Variants in FRMD3 observed in about 807,000 individuals in gnomAD.
FRMD3 encodes the protein FERM domain containing 3.
In FRMD3, 33 loss-of-function variants were observed where a neutral mutation model predicts 70.2. The ratio of observed to expected loss-of-function variants is 0.47; its 90% confidence interval spans 0.36 to 0.63. The LOEUF (loss-of-function observed/expected upper bound fraction) is 0.63, where lower values mean the gene tolerates loss of function less well. FRMD3 is among the 20% of genes least tolerant of loss of function. FRMD3 has a pLI of 0.00. For missense variants in FRMD3, 632 were observed against 711.4 expected (o/e 0.89, Z 1.27); for synonymous variants, 279 against 255.9 (o/e 1.09, Z -0.86).
intron 6 of FRMD3, among the ~76,000 whole-genome samples, chr9:83,324,287 A>C (rs2131099502): frequency 6.6e-6 from 1 of 152,324 alleles, no homozygotes; most frequent in East Asian, 1.9e-4. Flanking sequence ...AAGTAAATTT[A>C]TAAAAGCAAA....
the FRMD3 span, among the ~76,000 whole-genome samples, chr9:83,560,593 G>T: frequency 2.6e-5 from 4 of 152,200 alleles, no homozygotes; most frequent in Non-Finnish European, 5.9e-5. Flanking sequence ...TAAGTGGTTT[G>T]TTACACAGCA....
intron 1 of FRMD3, among the ~76,000 whole-genome samples, chr9:83,407,865 C>CTCTCA (rs1564062663): frequency 3.1e-5 from 4 of 128,044 alleles, no homozygotes; most frequent in Non-Finnish European, 6.2e-5. Flanking sequence ...CTCTCTCTCT[C>CTCTCA]TCTCTCTCAT....
intron 1 of FRMD3, among the ~76,000 whole-genome samples, chr9:83,469,658 C>A (rs80198016): frequency 0.054 from 8,209 of 151,826 alleles, 364 homozygotes; most frequent in East Asian, 0.15. Flanking sequence ...ATAAGAGCAA[C>A]AACGTCCTTT....
intron 6 of FRMD3, among the ~76,000 whole-genome samples, chr9:83,332,902 G>C (rs576526378): frequency 6.6e-6 from 1 of 152,156 alleles, no homozygotes; most frequent in Non-Finnish European, 1.5e-5. Flanking sequence ...CCAAGCACAG[G>C]TCTTCTCCAT....
intron 3 of FRMD3, among the ~76,000 whole-genome samples, chr9:83,353,600 A>G (rs367814177): frequency 7.7e-4 from 118 of 152,344 alleles, no homozygotes; most frequent in African/African-American, 2.7e-3. Context: ...AGATGTCTAG[A>G]GGAACACTGA....
At chr9:83,314,103 T>C (rs1007698761) in intron 6 of FRMD3, among the ~76,000 whole-genome samples, 3 of 152,166 alleles carry the variant, frequency 2.0e-5, no homozygotes, top group African/African-American at 7.2e-5. Context: ...AAAAACATTA[T>C]CCAGGTTAAA....
At chr9:83,487,132 G>A (rs1055076308) in intron 1 of FRMD3, among the ~76,000 whole-genome samples, 1 of 152,142 alleles carries the variant, frequency 6.6e-6, no homozygotes, top group African/African-American at 2.4e-5. Flanking sequence ...GCAGAGCAAG[G>A]AAGAGAATAT....
intron 3 of FRMD3, among the ~76,000 whole-genome samples, chr9:83,367,039 C>CA (rs138565141): frequency 0.056 from 8,357 of 149,482 alleles, 340 homozygotes; most frequent in East Asian, 0.18. Context: ...TCTCAAAAAA[C>CA]AAAAAAAAAA....
chr9:83,534,721 G>A (rs552629221), intron 1 of FRMD3, among the ~76,000 whole-genome samples: 1 of 152,214 alleles, frequency 6.6e-6, no homozygotes, highest in Non-Finnish European at 1.5e-5. Flanking sequence ...AGGCATTTAT[G>A]CATATAGTTT....
At chr9:83,250,197 G>A (rs543533810) in intron 13 of FRMD3, among the ~76,000 whole-genome samples, 4 of 152,258 alleles carry the variant, frequency 2.6e-5, no homozygotes, top group South Asian at 2.1e-4. Flanking sequence ...AGAAGCAAAG[G>A]AGACCCCACC....
chr9:83,320,308 A>G (rs1420768183), intron 6 of FRMD3, among the ~76,000 whole-genome samples: 1 of 152,188 alleles, frequency 6.6e-6, no homozygotes, highest in Non-Finnish European at 1.5e-5. Context: ...TATTGCCTTG[A>G]CTATATTAAG....
chr9:83,572,703 C>T, the FRMD3 span, among the ~76,000 whole-genome samples: 5 of 152,096 alleles, frequency 3.3e-5, no homozygotes, highest in African/African-American at 1.2e-4. Flanking sequence ...TTTCTTCCAG[C>T]CTGGTTCAGC....
At chr9:83,577,868 T>C in the FRMD3 span, among the ~76,000 whole-genome samples, 1 of 151,152 alleles carries the variant, frequency 6.6e-6, no homozygotes, top group Admixed American at 6.6e-5. Flanking sequence ...CAGAAAATAA[T>C]AGACAAAAAA....
chr9:83,534,646 T>C (rs139557731), intron 1 of FRMD3, among the ~76,000 whole-genome samples: 1 of 152,228 alleles, frequency 6.6e-6, no homozygotes, highest in Non-Finnish European at 1.5e-5. Flanking sequence ...CATCTTTTGA[T>C]GCATAGGCAT....
chr9:83,433,204 A>G (rs1011157766), intron 1 of FRMD3, among the ~76,000 whole-genome samples: 1 of 152,196 alleles, frequency 6.6e-6, no homozygotes. Flanking sequence ...ATGTTTCCTT[A>G]TTATAAAAAA....
chr9:83,501,269 G>C (rs1829062305), intron 1 of FRMD3, among the ~76,000 whole-genome samples: 1 of 151,960 alleles, frequency 6.6e-6, no homozygotes, highest in African/African-American at 2.4e-5. Flanking sequence ...ACTCCAGCCT[G>C]GGTGACAGAG....
At chr9:83,340,364 A>G (rs1564023922) in intron 5 of FRMD3, among the ~76,000 whole-genome samples, 1 of 152,212 alleles carries the variant, frequency 6.6e-6, no homozygotes, top group Non-Finnish European at 1.5e-5. Context: ...GGAAATGCAC[A>G]ATAAGCCCAA....
At chr9:83,547,100 A>G in the FRMD3 span, among the ~76,000 whole-genome samples, 3 of 151,140 alleles carry the variant, frequency 2.0e-5, no homozygotes, top group Non-Finnish European at 4.4e-5. Context: ...TAAATCAACA[A>G]CAATAAAACA....
intron 12 of FRMD3, among the ~76,000 whole-genome samples, chr9:83,292,632 C>T (rs1182196535): frequency 6.6e-6 from 1 of 151,934 alleles, no homozygotes; most frequent in East Asian, 1.9e-4. Context: ...TCATAACTAC[C>T]CCCAACTTTG....
Sources: allele counts gnomAD v4.1 joint callset (sites outside exome capture counted in the v4.1 genomes callset), GRCh38; gene constraint gnomAD v4.1.1; transcripts MANE v1.5; gene names NCBI Gene and HGNC (gene_info 2026-07-23, HGNC 2026-07-21).